Variants in CA10 observed in about 807,000 individuals in gnomAD.
CA10 encodes the protein carbonic anhydrase-related protein 10.
In CA10, 14 loss-of-function variants were observed where a neutral mutation model predicts 44.2. The ratio of observed to expected loss-of-function variants is 0.32; its 90% CI spans 0.21 to 0.50. The LOEUF (loss-of-function observed/expected upper bound fraction) is 0.50, where lower values mean the gene tolerates loss of function less well. Among genes scored for constraint, CA10 ranks in the 20% least tolerant of loss-of-function variants. The pLI is 0.99. For synonymous variants in CA10, 159 were observed against 141.6 expected (o/e 1.12, Z -0.87); for missense variants, 350 against 409.7 (o/e 0.85, Z 1.26).
At chr17:51,661,317 G>T (rs1597969363) in intron 4 of CA10, among the ~76,000 whole-genome samples, 1 of 152,192 alleles carries the variant, frequency 6.6e-6, no homozygotes, top group South Asian at 2.1e-4. Flanking sequence ...AGAACAAGGC[G>T]CTTGGCTGAA....
chr17:51,788,615 T>C (rs561221543), intron 3 of CA10, among the ~76,000 whole-genome samples: 39 of 152,334 alleles, frequency 2.6e-4, no homozygotes, highest in African/African-American at 8.9e-4. Context: ...GCAATTATTA[T>C]GTATCAGCAA....
At chr17:51,847,390 G>T (rs1342205331) in intron 3 of CA10, among the ~76,000 whole-genome samples, 1 of 152,180 alleles carries the variant, frequency 6.6e-6, no homozygotes, top group Non-Finnish European at 1.5e-5. Flanking sequence ...CAGCCTGGGG[G>T]TGGTGAATGG....
chr17:52,044,509 G>A (rs1285720667), intron 2 of CA10, among the ~76,000 whole-genome samples: 2 of 151,898 alleles, frequency 1.3e-5, no homozygotes, highest in African/African-American at 4.8e-5. Context: ...TTGTCATGTT[G>A]CCCAGGCTGG....
chr17:51,693,217 C>A (rs540289890), intron 4 of CA10, among the ~76,000 whole-genome samples: 15 of 152,042 alleles, frequency 9.9e-5, no homozygotes, highest in Non-Finnish European at 2.1e-4. Context: ...TTGGCTTCAG[C>A]CATCTGTTTT....
chr17:51,913,545 C>T (rs756805436), intron 3 of CA10, among the ~76,000 whole-genome samples: 2 of 152,166 alleles, frequency 1.3e-5, no homozygotes, highest in Non-Finnish European at 2.9e-5. Context: ...AAGGTCAGAC[C>T]TTTCAGGCTT....
At chr17:52,081,617 G>A (rs934589019) in intron 1 of CA10, among the ~76,000 whole-genome samples, 7 of 151,996 alleles carry the variant, frequency 4.6e-5, no homozygotes, top group African/African-American at 1.7e-4. Flanking sequence ...CGGCTAAAAC[G>A]GTGAAACCCC....
At chr17:52,081,210 A>G (rs1987966994) in intron 1 of CA10, among the ~76,000 whole-genome samples, 2 of 152,210 alleles carry the variant, frequency 1.3e-5, no homozygotes, top group African/African-American at 4.8e-5. Flanking sequence ...AACATATGAG[A>G]TTGTATGACA....
chr17:51,700,335 C>T (rs1915550175), intron 4 of CA10, among the ~76,000 whole-genome samples: 1 of 152,172 alleles, frequency 6.6e-6, no homozygotes, highest in Non-Finnish European at 1.5e-5. Flanking sequence ...ACAGACCCTC[C>T]CAAAGCTCTC....
Position 52,157,893 on chromosome 17 carries a change from G to GCACACTCGCACTCACTTCCGAGCGAGTA in CA10, c.-108_-107insTACTCGCTCGGAAGTGAGTGCGAGTGTG. 1 of 859,508 alleles carries GCACACTCGCACTCACTTCCGAGCGAGTA rather than the reference G, an allele frequency of 1.2e-6. No homozygotes were observed. Among genetic ancestry groups the GCACACTCGCACTCACTTCCGAGCGAGTA allele is most frequent in the Admixed American group, 1.7e-5 (1 of 57,406 alleles). The allele number at this position is 859,508 out of a possible 1,614,324, so 53.2% of individuals were successfully genotyped here. A position where few individuals can be genotyped will look rare whatever the true frequency, so the allele number is the denominator to read the frequency against. ...CACTCGCACACACTTCCGAGCGAGT[G>GCACACTCGCACTCACTTCCGAGCGAGTA]CACACTCGCACTCCCACCCGACAGC... On this transcript the variant is annotated 5_prime_UTR_variant, in exon 1 of 9. Transcript: ENST00000451037.
intron 3 of CA10, among the ~76,000 whole-genome samples, chr17:51,862,752 CT>C (rs897880479): frequency 1.1e-4 from 17 of 150,278 alleles, no homozygotes; most frequent in African/African-American, 4.2e-4. Flanking sequence ...TTCACATGGC[CT>C]TTTTTTTTCT....
At chr17:52,017,505 C>A (rs1250571721) in intron 2 of CA10, among the ~76,000 whole-genome samples, 1 of 152,080 alleles carries the variant, frequency 6.6e-6, no homozygotes, top group Non-Finnish European at 1.5e-5. Flanking sequence ...GAAGTTTGAA[C>A]TTAAGAGGGA....
intron 4 of CA10, among the ~76,000 whole-genome samples, chr17:51,724,428 C>A (rs1366662216): frequency 2.6e-5 from 4 of 152,246 alleles, no homozygotes; most frequent in African/African-American, 9.6e-5. Flanking sequence ...CAGTTGCCAA[C>A]AAAAGTATAA....
At chr17:52,142,469 T>C (rs529197231) in intron 1 of CA10, among the ~76,000 whole-genome samples, 70 of 152,354 alleles carry the variant, frequency 4.6e-4, no homozygotes, top group Admixed American at 1.7e-3. Context: ...TACTTTCATA[T>C]GTCATTTAAT....
At chr17:51,837,166 C>T (rs1908516801) in intron 3 of CA10, among the ~76,000 whole-genome samples, 1 of 152,016 alleles carries the variant, frequency 6.6e-6, no homozygotes, top group Non-Finnish European at 1.5e-5. Context: ...GAGGTTAGTG[C>T]TATGTAAGCT....
intron 2 of CA10, among the ~76,000 whole-genome samples, chr17:51,987,396 G>T (rs1039243028): frequency 1.3e-5 from 2 of 151,910 alleles, no homozygotes; most frequent in Non-Finnish European, 2.9e-5. Flanking sequence ...AAGGGGGCGA[G>T]GGATAAAAGA....
intron 2 of CA10, among the ~76,000 whole-genome samples, chr17:52,003,784 G>A (rs1223459409): frequency 6.6e-6 from 1 of 151,806 alleles, no homozygotes; most frequent in Admixed American, 6.6e-5. Flanking sequence ...CCTCCCACCT[G>A]TCCTGTTGAC....
intron 3 of CA10, among the ~76,000 whole-genome samples, chr17:51,895,745 A>T (rs747704613): frequency 3.6e-4 from 55 of 152,182 alleles, no homozygotes; most frequent in Non-Finnish European, 6.6e-4. Flanking sequence ...AATACCAATG[A>T]TACAACCTGT....
At chr17:51,836,001 T>C (rs1262979484) in intron 3 of CA10, among the ~76,000 whole-genome samples, 2 of 151,968 alleles carry the variant, frequency 1.3e-5, no homozygotes, top group Non-Finnish European at 2.9e-5. Context: ...GTGTTGATGA[T>C]GATGGTGATT....
chr17:51,656,692 C>A lies in CA10; in HGVS notation c.466-2956G>T, dbSNP rs374002419. Among the ~76,000 whole-genome samples the A allele has an allele frequency of 8.5e-5, 13 of 152,324 alleles. No individual in the cohort carries two copies. The East Asian group carries it at 1.5e-3, about 18-fold the overall frequency. ...TGTGCGCTCTAGGGATCAGCAGCAG[C>A]CACAGCATCTAGGAGCTTGTTAGAA... On this transcript the variant is annotated intron_variant, in intron 4 of 8. Coordinates refer to ENST00000451037, the MANE Select transcript of CA10 (RefSeq NM_020178.5).
Sources: allele counts gnomAD v4.1 joint callset (sites outside exome capture counted in the v4.1 genomes callset), GRCh38; gene constraint gnomAD v4.1.1; transcripts MANE v1.5; gene names NCBI Gene and HGNC (gene_info 2026-07-23, HGNC 2026-07-21).